The following FANK1 variants were observed in gnomAD, a reference collection of about 807,000 sequenced individuals.
FANK1 encodes fibronectin type 3 and ankyrin repeat domains protein 1.
In FANK1, 44 loss-of-function variants were observed where a neutral mutation model predicts 45.3. That is an observed-to-expected ratio of 0.97 (90% CI 0.76 to 1.25). The LOEUF is 1.25. Ranked by LOEUF, FANK1 falls within the 50% of genes most tolerant of loss-of-function variation. The probability of loss-of-function intolerance (pLI) is 0.00; values close to 1 mark genes in which losing one functional copy is unlikely to be tolerated. For missense variants in FANK1, 391 were observed against 424.4 expected, an observed-to-expected ratio of 0.92 and a Z score of 0.69; for synonymous variants, 149 against 152.5, an observed-to-expected ratio of 0.98 and a Z score of 0.17.
chr10:126,005,013 C>T lies in FANK1; in HGVS notation c.669C>T (p.Cys223=). Residue 223 remains cysteine (C), a synonymous_variant, in exon 7 of 11, where the codon TGC becomes TGT. Transcript: ENST00000368693. ...ALHWAADGGH[C]SVIEWMIKDG... is the part of the protein sequence containing the mutation. ...ACTGGGCTGCAGATGGAGGCCACTG[C>T]AGTGTGATTGAGTGGATGATAAAGG... The T allele has an allele frequency of 6.2e-7, 1 of 1,614,114 alleles. No homozygotes were observed. Among genetic ancestry groups the T allele is most frequent in the Non-Finnish European group, 8.5e-7 (1 of 1,180,030 alleles).
At position 125,920,627 on chromosome 10, in the gene FANK1, A is replaced by G. The variant is rs1262382521; in HGVS notation, c.13+23972A>G. On this transcript the variant is annotated intron_variant, in intron 1 of 10. Transcript: ENST00000368693. ...AATAATGATCGTAGATAGATAATGT[A>G]TCAGAGTTTGGGCTCAGCCGCTGTA... Among the ~76,000 whole-genome samples, 4 of 152,196 alleles carry G rather than the reference A, an allele frequency of 2.6e-5. No individual in the cohort carries two copies. The East Asian group carries it at 5.8e-4, about 22-fold the overall frequency.
At chr10:125,905,141 A>AC (rs1945390811) in intron 1 of FANK1, among the ~76,000 whole-genome samples, 2 of 106,780 alleles carry the variant, frequency 1.9e-5, no homozygotes, top group Admixed American at 9.2e-5. Flanking sequence ...AAAAAAAAAA[A>AC]AAAAAAAAAC....
intron 1 of FANK1, among the ~76,000 whole-genome samples, chr10:125,899,463 G>T (rs111890254): frequency 7.1e-6 from 1 of 139,862 alleles, no homozygotes; most frequent in East Asian, 2.1e-4. Context: ...CTCCTGCCTC[G>T]TCCTCCCAAA....
chr10:125,903,377 G>A (rs534838351), intron 1 of FANK1, among the ~76,000 whole-genome samples: 22 of 152,348 alleles, frequency 1.4e-4, no homozygotes, highest in African/African-American at 5.1e-4. Flanking sequence ...TTTTCTTAAG[G>A]GAGGCTGGAA....
intron 1 of FANK1, among the ~76,000 whole-genome samples, chr10:125,951,410 A>G (rs1590010994): frequency 6.6e-6 from 1 of 151,822 alleles, no homozygotes; most frequent in Non-Finnish European, 1.5e-5. Flanking sequence ...TTGGAGGCAG[A>G]AAAATTTGCA....
intron 3 of FANK1, chr10:125,989,529 C>G: frequency 1.3e-6 from 1 of 753,518 alleles, no homozygotes; most frequent in South Asian, 1.5e-5. Context: ...GTTAACTCAG[C>G]TTTTGAGTTA....
chr10:125,942,564 T>C (rs780382881), intron 1 of FANK1, among the ~76,000 whole-genome samples: 11 of 152,150 alleles, frequency 7.2e-5, no homozygotes, highest in Middle Eastern at 3.4e-3. Flanking sequence ...AAAACGAAAT[T>C]AGGTAGAAAA....
chr10:125,909,332 A>T (rs1271541495), intron 1 of FANK1, among the ~76,000 whole-genome samples: 1 of 152,190 alleles, frequency 6.6e-6, no homozygotes, highest in Non-Finnish European at 1.5e-5. Flanking sequence ...TGCCACAGAG[A>T]TTAGCAACTG....
At chr10:125,977,653 T>C (rs1323573049) in intron 1 of FANK1, among the ~76,000 whole-genome samples, 1 of 152,112 alleles carries the variant, frequency 6.6e-6, no homozygotes, top group Non-Finnish European at 1.5e-5. Flanking sequence ...CCGGGGGTTA[T>C]TTGCTTGCTC....
In FANK1 at chr10:125,988,705, C is replaced by G. The variant is rs73370558; in HGVS notation, c.316+30C>G. The G allele has an allele frequency of 3.7e-3, 5,954 of 1,614,192 alleles. 141 individuals are homozygous for G. In the African/African-American group the frequency reaches 0.055, roughly 15 times the overall value. On this transcript the variant is annotated intron_variant, in intron 3 of 10. Coordinates refer to ENST00000368693, the MANE Select transcript of FANK1 (RefSeq NM_145235.5). ...GTATTCAGACCGTCCACACTCACCT[C>G]TCTCTAGATCAATGGAGATGACAAG... is the stretch of plus-strand genomic sequence containing the variant.
intron 1 of FANK1, among the ~76,000 whole-genome samples, chr10:125,954,939 G>A (rs1375273410): frequency 6.6e-6 from 1 of 151,888 alleles, no homozygotes; most frequent in Non-Finnish European, 1.5e-5. Flanking sequence ...ATTAAAAAAA[G>A]GGGAAGGAAA....
chr10:125,979,452 C>T (rs1323433380), intron 1 of FANK1, among the ~76,000 whole-genome samples: 2 of 152,090 alleles, frequency 1.3e-5, no homozygotes, highest in African/African-American at 4.8e-5. Flanking sequence ...CCATATTGCC[C>T]TCTAAAAAGG....
At chr10:125,914,491 G>A (rs1946292527) in intron 1 of FANK1, among the ~76,000 whole-genome samples, 1 of 151,940 alleles carries the variant, frequency 6.6e-6, no homozygotes, top group Admixed American at 6.6e-5. Flanking sequence ...GAGAACTTGT[G>A]GATAGACACA....
rs573373504 is a variant in FANK1 at position 125,910,730 on chromosome 10, A to G, written c.13+14075A>G. ...GTTTCCAGACGTTTGCTATTGTGAT[A>G]GGCTGAATAAAAGATGTCCACAGGC... On this transcript the variant is annotated intron_variant, in intron 1 of 10. Coordinates refer to ENST00000368693, the MANE Select transcript of FANK1 (RefSeq NM_145235.5). Among the ~76,000 whole-genome samples the G allele has an allele frequency of 1.6e-3, 247 of 152,332 alleles. 1 individual carries two copies. The highest frequency in any genetic ancestry group is 5.0e-3 in the South Asian group (24 of 4,824).
intron 1 of FANK1, among the ~76,000 whole-genome samples, chr10:125,949,422 C>T (rs1171266895): frequency 2.0e-5 from 3 of 152,122 alleles, no homozygotes; most frequent in African/African-American, 7.2e-5. Context: ...TCAGCAAAGT[C>T]TCAGGATACA....
In FANK1 at chr10:126,009,453, A is replaced by G. The variant is rs776863193; in HGVS notation, c.*15A>G. The G allele has an allele frequency of 6.2e-7, 1 of 1,612,082 alleles. No individual in the cohort carries two copies. Among genetic ancestry groups the G allele is most frequent in the Admixed American group, 1.7e-5 (1 of 59,562 alleles). On this transcript the variant is annotated 3_prime_UTR_variant, in exon 11 of 11. Coordinates refer to ENST00000368693, the MANE Select transcript of FANK1 (RefSeq NM_145235.5). ...GTGTCTGCTGATGAGAGCACCACTC[A>G]TCTGCGAAACGCACGTAAAACAAAG...
intron 4 of FANK1, among the ~76,000 whole-genome samples, chr10:125,995,921 G>T (rs1454698589): frequency 6.6e-6 from 1 of 152,212 alleles, no homozygotes; most frequent in Admixed American, 6.5e-5. Flanking sequence ...GAATATAGCT[G>T]CTGCAGATGA....
At chr10:125,966,263 A>G (rs1950196976) in intron 1 of FANK1, among the ~76,000 whole-genome samples, 1 of 152,232 alleles carries the variant, frequency 6.6e-6, no homozygotes, top group Non-Finnish European at 1.5e-5. Flanking sequence ...AAAATATAAG[A>G]AAATTTAAGT....
At chr10:125,927,402 T>C (rs79503752) in intron 1 of FANK1, among the ~76,000 whole-genome samples, 1 of 152,212 alleles carries the variant, frequency 6.6e-6, no homozygotes, top group Non-Finnish European at 1.5e-5. Flanking sequence ...GACTTGTGAG[T>C]TCTATCCATG....
Sources: gnomAD v4.1 joint callset for allele counts (sites outside exome capture counted in the v4.1 genomes callset) on GRCh38, gnomAD v4.1.1 for gene constraint, MANE v1.5 for transcripts, NCBI Gene and HGNC (gene_info 2026-07-23, HGNC 2026-07-21) for gene names.